The following RAPGEF5 variants were observed in gnomAD, a reference collection of about 807,000 sequenced individuals.
RAPGEF5 encodes M-Ras-regulated GEF.
RAPGEF5 carries 65 observed loss-of-function variants against 125.2 expected under a neutral mutation model. The ratio of observed to expected loss-of-function variants is 0.52; its 90% CI spans 0.43 to 0.64. The LOEUF is 0.64. RAPGEF5 is among the 30% of genes least tolerant of loss of function. The pLI, the probability that RAPGEF5 is intolerant of heterozygous loss-of-function variation, is 0.00. For missense variants in RAPGEF5, 958 were observed against 1,048.1 expected (o/e 0.91, Z 1.19); for synonymous variants, 391 against 385.9 (o/e 1.01, Z -0.16).
At position 22,221,159 on chromosome 7, in the gene RAPGEF5, C is replaced by T. The variant is rs535261541; in HGVS notation, c.871-1168G>A. On this transcript the variant is annotated intron_variant, in intron 8 of 25. Transcript: ENST00000665637. Reference sequence around the variant, plus strand: ...CTCCTAGAGGACAGCAAGTGGAATTCCTCCACCAAAGTCAGAGATTTTTAC... The same window carrying T: ...CTCCTAGAGGACAGCAAGTGGAATTTCTCCACCAAAGTCAGAGATTTTTAC... 4.2e-4 allele frequency among the ~76,000 whole-genome samples: 64 copies of T among 152,310 alleles called. 1 individual carries two copies. The highest frequency in any genetic ancestry group is 3.4e-3 in the Middle Eastern group (1 of 294).
intron 7 of RAPGEF5, 122 bp downstream of exon 7, chr7:22,266,842 A>G: frequency 4.3e-6 from 4 of 920,238 alleles, no homozygotes; most frequent in Non-Finnish European, 6.6e-6. Flanking sequence ...AACAAATGGT[A>G]TAATTCTTTG....
chr7:22,263,468 G>A (rs1782206044), intron 7 of RAPGEF5, among the ~76,000 whole-genome samples: 1 of 152,068 alleles, frequency 6.6e-6, no homozygotes, highest in African/African-American at 2.4e-5. Flanking sequence ...GGTGGCTTAC[G>A]CCTATAATCC....
At chr7:22,296,268 C>CA (rs1783057862) in intron 5 of RAPGEF5, among the ~76,000 whole-genome samples, 1 of 152,100 alleles carries the variant, frequency 6.6e-6, no homozygotes, top group African/African-American at 2.4e-5. Flanking sequence ...CTGAGGCAAA[C>CA]AGCTCAAGAG....
chr7:22,317,496 T>C (rs2128155009), intron 2 of RAPGEF5, among the ~76,000 whole-genome samples: 1 of 152,092 alleles, frequency 6.6e-6, no homozygotes, highest in Non-Finnish European at 1.5e-5. Flanking sequence ...CACCTCAGCC[T>C]CCCAAAGTGC....
chr7:22,312,744 T>C (rs1488195485), intron 3 of RAPGEF5, among the ~76,000 whole-genome samples: 1 of 152,244 alleles, frequency 6.6e-6, no homozygotes, highest in East Asian at 1.9e-4. Flanking sequence ...CCACTGACTT[T>C]ATCAAGTTAT....
intron 21 of RAPGEF5, among the ~76,000 whole-genome samples, chr7:22,139,553 G>A (rs942095564): frequency 6.6e-5 from 10 of 152,262 alleles, no homozygotes; most frequent in African/African-American, 2.2e-4. Context: ...GAGCCAGGAA[G>A]TGGGAGGTCT....
At chr7:22,135,966 T>C in intron 23 of RAPGEF5, 72 bp downstream of exon 23, 1 of 1,212,592 alleles carries the variant, frequency 8.2e-7, no homozygotes, top group Non-Finnish European at 1.2e-6. Flanking sequence ...GTCCCTTTTT[T>C]GCCCTCAATA....
chr7:22,167,120 C>T lies in RAPGEF5; in HGVS notation c.1233G>A (p.Thr411=), dbSNP rs777857472. The change falls in exon 12 of 26, where the codon ACG becomes ACA. Residue 411 remains threonine, a synonymous_variant. Transcript: ENST00000665637. The stretch of plus-strand genomic sequence containing the variant: ...CATCAGTTGTCATGAAGACAGTGTA[C>T]GTGAGAAGGAAGTCATCCAGGAGGG... ...TETLLDDFLL[T]YTVFMTTDDL... 1.6e-5 allele frequency: 25 copies of T among 1,611,566 alleles called. No homozygotes were observed. The highest frequency in any genetic ancestry group is 1.2e-4 in the South Asian group (11 of 90,752).
intron 1 of RAPGEF5, among the ~76,000 whole-genome samples, chr7:22,333,216 A>G (rs183979115): frequency 2.6e-4 from 39 of 152,308 alleles, no homozygotes; most frequent in Non-Finnish European, 4.4e-5. Flanking sequence ...ATATTTAAGT[A>G]TTTACATATT....
At position 22,119,368 on chromosome 7, in the gene RAPGEF5, T is replaced by C. The variant is rs1334069833; in HGVS notation, c.*3038A>G. On this transcript the variant is annotated 3_prime_UTR_variant, in exon 26 of 26. Coordinates refer to ENST00000665637, the MANE Select transcript of RAPGEF5 (RefSeq NM_012294.5). The surrounding 1 kb of genome is among the most constrained non-coding windows in gnomAD (Gnocchi z 4.1). ...TCTCGGTCTAGGGAAATGAATTTAT[T>C]CTAAACATAATTAAGGAAACTAGAA... is the stretch of plus-strand genomic sequence containing the variant. 1 of 152,218 alleles carries C rather than the reference T, an allele frequency of 6.6e-6. No individual in the cohort carries two copies. The highest frequency in any genetic ancestry group is 2.4e-5 in the African/African-American group (1 of 41,448). The allele number at this position is 152,218 out of a possible 1,614,324, so 9.4% of individuals were successfully genotyped here.
intron 7 of RAPGEF5, among the ~76,000 whole-genome samples, chr7:22,255,586 C>T (rs2128139192): frequency 6.7e-6 from 1 of 148,510 alleles, no homozygotes; most frequent in South Asian, 2.3e-4. Context: ...ATGAGACTGT[C>T]TCAAAACAAA....
intron 24 of RAPGEF5, among the ~76,000 whole-genome samples, chr7:22,127,712 A>G (rs1348831105): frequency 6.6e-6 from 1 of 152,220 alleles, no homozygotes; most frequent in Non-Finnish European, 1.5e-5. Context: ...TCATGTCCCA[A>G]CTATACACAC....
chr7:22,356,762 C>G, intron 1 of RAPGEF5, 68 bp downstream of exon 1: 2 of 904,952 alleles, frequency 2.2e-6, no homozygotes, highest in South Asian at 1.1e-4. Context: ...CCTCAGCGGC[C>G]CGGGGGGTGG....
At chr7:22,352,650 G>C (rs942926729) in intron 1 of RAPGEF5, among the ~76,000 whole-genome samples, 1 of 152,038 alleles carries the variant, frequency 6.6e-6, no homozygotes, top group Non-Finnish European at 1.5e-5. Context: ...AGTTCTTAAT[G>C]ACACTTAAAA....
chr7:22,157,120 CT>C (rs1311605556), intron 15 of RAPGEF5, among the ~76,000 whole-genome samples: 1 of 152,172 alleles, frequency 6.6e-6, no homozygotes, highest in African/African-American at 2.4e-5. Flanking sequence ...CCAAAAGCCC[CT>C]ATATTTATTC....
chr7:22,317,990 G>T lies in RAPGEF5; in HGVS notation c.279C>A (p.Ser93=). 1 of 1,548,172 alleles carries T rather than the reference G, an allele frequency of 6.5e-7. No individual in the cohort carries two copies. The highest frequency in any genetic ancestry group is 1.4e-5 in the African/African-American group (1 of 72,938). ...GTAAAAGAGAAAGGAATCATACCTG[G>T]GAAGGCGTATGTTCAAGGTACGGAT... ...ISNPYLEHTP[S]QIYGENSSCA... The change falls in exon 2 of 26, where the codon TCC becomes TCA. Residue 93 remains serine, a synonymous_variant. Coordinates refer to ENST00000665637, the MANE Select transcript of RAPGEF5 (RefSeq NM_012294.5).
At chr7:22,280,329 G>C (rs1204338387) in intron 6 of RAPGEF5, among the ~76,000 whole-genome samples, 2 of 152,180 alleles carry the variant, frequency 1.3e-5, no homozygotes, top group Admixed American at 6.5e-5. Context: ...GCCAGAAGCA[G>C]CACAGTGAAG....
At position 22,267,017 on chromosome 7, in the gene RAPGEF5, T is replaced by A. The variant is rs780238857; in HGVS notation, c.748-5A>T. The A allele has an allele frequency of 3.1e-6, 5 of 1,605,618 alleles. No individual in the cohort carries two copies. The East Asian group carries it at 6.7e-5, about 22-fold the overall frequency. ...AGCTGCTAGCTCTCTCTGCACCTAATAAAATATTAGGGGGGAAAATCAAAT... is the reference window on the plus strand; with the variant it reads ...AGCTGCTAGCTCTCTCTGCACCTAAAAAAATATTAGGGGGGAAAATCAAAT... On this transcript the variant is annotated splice_region_variant and splice_polypyrimidine_tract_variant and intron_variant, in intron 6 of 25. Coordinates refer to ENST00000665637, the MANE Select transcript of RAPGEF5 (RefSeq NM_012294.5).
At chr7:22,352,429 C>A (rs1373323988) in intron 1 of RAPGEF5, among the ~76,000 whole-genome samples, 3 of 151,610 alleles carry the variant, frequency 2.0e-5, no homozygotes, top group African/African-American at 7.3e-5. Flanking sequence ...AAAAATTCAT[C>A]AATGCTCCTT....
Sources: allele counts gnomAD v4.1 joint callset (sites outside exome capture counted in the v4.1 genomes callset), GRCh38; gene constraint gnomAD v4.1.1; non-coding constraint Gnocchi (gnomAD v3.1); transcripts MANE v1.5; gene names NCBI Gene and HGNC (gene_info 2026-07-23, HGNC 2026-07-21).